Variants in MACROD2 observed in about 807,000 individuals in gnomAD.
MACROD2 encodes mono-ADP ribosylhydrolase 2.
MACROD2 carries 36 observed loss-of-function variants against 70.4 expected under a neutral mutation model. The observed-to-expected ratio is 0.51, with a 90% CI of 0.39 to 0.68. MACROD2 has a LOEUF of 0.68. MACROD2 is among the 30% of genes least tolerant of loss of function. The pLI is 0.00. For synonymous variants in MACROD2, 172 were observed against 178.8 expected, an observed-to-expected ratio of 0.96 and a Z score of 0.30; for missense variants, 496 against 538.4, an observed-to-expected ratio of 0.92 and a Z score of 0.78.
At chr20:15,318,885 C>A (rs186428693) in intron 6 of MACROD2, among the ~76,000 whole-genome samples, 3 of 152,214 alleles carry the variant, frequency 2.0e-5, no homozygotes, top group Admixed American at 2.0e-4. Flanking sequence ...TGAAACCTTT[C>A]TCTTTAAAAT....
At chr20:15,662,870 T>C (rs2049841513) in intron 8 of MACROD2, among the ~76,000 whole-genome samples, 1 of 152,204 alleles carries the variant, frequency 6.6e-6, no homozygotes, top group Admixed American at 6.5e-5. Flanking sequence ...GGCACATTGG[T>C]ATTAGCATTC....
At chr20:15,425,105 A>G (rs1231235562) in intron 6 of MACROD2, among the ~76,000 whole-genome samples, 22 of 152,222 alleles carry the variant, frequency 1.4e-4, no homozygotes, top group Admixed American at 1.4e-3. Flanking sequence ...ACAGTGGGTC[A>G]GTCATTAAGG....
chr20:14,626,196 T>C (rs1174861198), intron 4 of MACROD2, among the ~76,000 whole-genome samples: 3 of 151,996 alleles, frequency 2.0e-5, no homozygotes, highest in Non-Finnish European at 2.9e-5. Flanking sequence ...ACAGCAAGGG[T>C]AGTTGTGGGG....
intron 8 of MACROD2, among the ~76,000 whole-genome samples, chr20:15,808,254 C>A (rs1017238225): frequency 2.0e-5 from 3 of 152,162 alleles, no homozygotes; most frequent in African/African-American, 7.2e-5. Flanking sequence ...CTTCCTGCTA[C>A]ACATGGACTG....
At chr20:14,574,005 G>C (rs1568678172) in intron 4 of MACROD2, among the ~76,000 whole-genome samples, 2 of 152,174 alleles carry the variant, frequency 1.3e-5, no homozygotes, top group Admixed American at 6.5e-5. Context: ...TTGAGCACAT[G>C]AAGTAGTAGC....
intron 8 of MACROD2, among the ~76,000 whole-genome samples, chr20:15,597,857 T>A (rs1175699696): frequency 6.6e-6 from 1 of 152,194 alleles, no homozygotes; most frequent in Non-Finnish European, 1.5e-5. Context: ...GGCAGGTGGA[T>A]CACCTGAGGT....
chr20:15,537,467 CTT>C (rs35857138), intron 8 of MACROD2, among the ~76,000 whole-genome samples: 13,259 of 89,248 alleles, frequency 0.15, 465 homozygotes, highest in African/African-American at 0.18. Context: ...TCCCACTCAT[CTT>C]TTTTTTTTTT....
chr20:15,286,956 T>C (rs993697024), intron 6 of MACROD2, among the ~76,000 whole-genome samples: 3 of 152,142 alleles, frequency 2.0e-5, no homozygotes, highest in Non-Finnish European at 4.4e-5. Context: ...AATCACTTTT[T>C]ATTTAGAAAA....
chr20:14,724,361 T>C (rs2071504053), intron 5 of MACROD2, among the ~76,000 whole-genome samples: 1 of 152,152 alleles, frequency 6.6e-6, no homozygotes, highest in African/African-American at 2.4e-5. Context: ...ATAGTTCCCA[T>C]CACCCATTTT....
intron 5 of MACROD2, among the ~76,000 whole-genome samples, chr20:14,688,806 A>G (rs2071031277): frequency 6.6e-6 from 1 of 152,218 alleles, no homozygotes; most frequent in South Asian, 2.1e-4. Context: ...CAATGTCAGT[A>G]TCAATCATAG....
At chr20:15,409,250 G>T (rs753575877) in intron 6 of MACROD2, among the ~76,000 whole-genome samples, 2 of 152,118 alleles carry the variant, frequency 1.3e-5, no homozygotes, top group African/African-American at 4.8e-5. Context: ...CAATGATTGA[G>T]CATCAAGCTT....
At chr20:15,016,799 C>A (rs923198839) in intron 5 of MACROD2, among the ~76,000 whole-genome samples, 3 of 152,096 alleles carry the variant, frequency 2.0e-5, no homozygotes, top group Admixed American at 6.5e-5. Flanking sequence ...GAGGAAGAAG[C>A]AAAAGTGGAA....
intron 4 of MACROD2, among the ~76,000 whole-genome samples, chr20:14,556,424 A>G (rs943226883): frequency 6.6e-6 from 1 of 152,064 alleles, no homozygotes. Context: ...GCTAGGTGCT[A>G]CAGAAGCCTC....
chr20:15,636,137 A>AG (rs1260984635), intron 8 of MACROD2, among the ~76,000 whole-genome samples: 3,367 of 150,960 alleles, frequency 0.022, 140 homozygotes, highest in East Asian at 0.17. Flanking sequence ...AGGAAAAAAA[A>AG]AAGAAATCCC....
chr20:14,040,079 A>G (rs2053371448), intron 2 of MACROD2, among the ~76,000 whole-genome samples: 1 of 152,120 alleles, frequency 6.6e-6, no homozygotes, highest in Non-Finnish European at 1.5e-5. Flanking sequence ...AATTGTGGGG[A>G]TAGCAAATTA....
chr20:14,343,211 C>T (rs1423903299), intron 3 of MACROD2, among the ~76,000 whole-genome samples: 1 of 150,992 alleles, frequency 6.6e-6, no homozygotes, highest in Non-Finnish European at 1.5e-5. Flanking sequence ...TCCCCAGTGC[C>T]CTGTCCCCTT....
chr20:15,313,333 T>C (rs2077773945), intron 6 of MACROD2, among the ~76,000 whole-genome samples: 1 of 151,744 alleles, frequency 6.6e-6, no homozygotes, highest in Non-Finnish European at 1.5e-5. Context: ...GATGAAATCC[T>C]GTCTCTACTA....
intron 11 of MACROD2, among the ~76,000 whole-genome samples, chr20:15,936,220 A>G (rs1257550297): frequency 1.4e-5 from 2 of 147,968 alleles, no homozygotes; most frequent in Non-Finnish European, 3.0e-5. Flanking sequence ...TATACTATAT[A>G]TAAACTATAG....
At position 15,187,763 on chromosome 20, in the gene MACROD2, G is replaced by T. The variant is rs1601194933; in HGVS notation, c.419-42177G>T. 2.0e-5 allele frequency among the ~76,000 whole-genome samples: 3 copies of T among 151,878 alleles called. No individual in the cohort carries two copies. In the East Asian group the frequency reaches 5.8e-4, roughly 29 times the overall value. ...TCATTAATTACATTTCTCCTTTAAG[G>T]GTTTATCATAATCTCCAAGCCTGCT... On this transcript the variant is annotated intron_variant, in intron 5 of 17. Transcript: ENST00000684519.
Sources: allele counts gnomAD v4.1 joint callset (sites outside exome capture counted in the v4.1 genomes callset), GRCh38; gene constraint gnomAD v4.1.1; transcripts MANE v1.5; gene names NCBI Gene and HGNC (gene_info 2026-07-23, HGNC 2026-07-21).